Variants in CBFA2T2 observed in about 807,000 individuals in gnomAD.
CBFA2T2 encodes the protein CBFA2/RUNX1 partner transcriptional co-repressor 2.
In CBFA2T2, 11 loss-of-function variants were observed where a neutral mutation model predicts 62.2. The ratio of observed to expected loss-of-function variants is 0.18; its 90% CI spans 0.11 to 0.29. CBFA2T2 has a LOEUF of 0.29. CBFA2T2 is among the 10% of genes least tolerant of loss of function. CBFA2T2 has a pLI of 1.00. For missense variants in CBFA2T2, 592 were observed against 774.1 expected (o/e 0.76, Z 2.79); for synonymous variants, 295 against 287.5 (o/e 1.03, Z -0.27).
intron 1 of CBFA2T2, among the ~76,000 whole-genome samples, chr20:33,533,650 TG>T (rs2012121164): frequency 6.6e-6 from 1 of 152,128 alleles, no homozygotes; most frequent in African/African-American, 2.4e-5. Flanking sequence ...GACATATGCT[TG>T]CTTTTGTCTT....
rs200627080 is a variant in CBFA2T2, at chr20:33,596,934, T to TC, written c.35-10022_35-10021insC. Reference sequence around the variant, plus strand: ...CTTGACCTCTGTTTTTTTTTTTTTTTTTTCTTTCTTTTTTTCAGTCTCATC... The same window carrying TC: ...CTTGACCTCTGTTTTTTTTTTTTTTTCTTTCTTTCTTTTTTTCAGTCTCATC... On this transcript the variant is annotated intron_variant, in intron 1 of 10. Transcript: ENST00000342704. 6.2e-3 allele frequency among the ~76,000 whole-genome samples: 941 copies of TC among 151,258 alleles called. 9 individuals carry two copies. The highest frequency in any genetic ancestry group is 0.022 in the African/African-American group (904 of 41,110).
At chr20:33,642,280 C>T (rs1201040418) in intron 10 of CBFA2T2, among the ~76,000 whole-genome samples, 4 of 152,004 alleles carry the variant, frequency 2.6e-5, no homozygotes, top group Non-Finnish European at 4.4e-5. Flanking sequence ...GCCACCACGC[C>T]CAGCTTCTCC....
At chr20:33,636,225 C>T (rs1424170118) in intron 8 of CBFA2T2, among the ~76,000 whole-genome samples, 1 of 143,718 alleles carries the variant, frequency 7.0e-6, no homozygotes, top group Non-Finnish European at 1.5e-5. Flanking sequence ...CACCACTGCA[C>T]TCCAGCCTGG....
Position 33,648,941 on chromosome 20 carries a change from G to A in CBFA2T2, c.*4295G>A, listed in dbSNP as rs932970377. 1 of 152,078 alleles carries A rather than the reference G, an allele frequency of 6.6e-6. No individual in the cohort carries two copies. The highest frequency in any genetic ancestry group is 1.5e-5 in the Non-Finnish European group (1 of 68,022). 9.4% of individuals were successfully genotyped at this position (152,078 alleles called of 1,614,324 possible). ...AGACATCATTCTGGGTAGTTCTAGA[G>A]GATATCGCAACAAGTGCGTTTGAAG... is the stretch of plus-strand genomic sequence containing the variant. On this transcript the variant is annotated 3_prime_UTR_variant, in exon 11 of 11. Coordinates refer to ENST00000342704, the MANE Select transcript of CBFA2T2 (RefSeq NM_001032999.3).
intron 1 of CBFA2T2, among the ~76,000 whole-genome samples, chr20:33,495,134 G>A (rs1449461650): frequency 1.3e-5 from 2 of 151,818 alleles, no homozygotes; most frequent in East Asian, 1.9e-4. Flanking sequence ...ATGGTGGCTC[G>A]CGCCTGTAAT....
At chr20:33,501,630 C>CTTTT (rs869281966) in intron 1 of CBFA2T2, among the ~76,000 whole-genome samples, 9,111 of 63,210 alleles carry the variant, frequency 0.14, 3,403 homozygotes, top group East Asian at 0.17. Context: ...CTTAGCCTTC[C>CTTTT]TTTTTTTTTT....
At chr20:33,569,054 A>G (rs1263461713) in intron 1 of CBFA2T2, among the ~76,000 whole-genome samples, 1 of 152,228 alleles carries the variant, frequency 6.6e-6, no homozygotes, top group Admixed American at 6.5e-5. Context: ...GTTTCTGAGT[A>G]GTAAAGCTTT....
intron 1 of CBFA2T2, among the ~76,000 whole-genome samples, chr20:33,582,479 A>C (rs1439650656): frequency 6.8e-6 from 1 of 147,626 alleles, no homozygotes; most frequent in Admixed American, 6.9e-5. Context: ...CAAGAGCGAA[A>C]CTCTATCTCA....
intron 1 of CBFA2T2, among the ~76,000 whole-genome samples, chr20:33,555,608 A>C (rs752909855): frequency 6.6e-5 from 10 of 152,184 alleles, no homozygotes; most frequent in Non-Finnish European, 1.0e-4. Context: ...TTATCCCTAA[A>C]TACTTAAATG....
intron 1 of CBFA2T2, among the ~76,000 whole-genome samples, chr20:33,553,495 G>C (rs990545209): frequency 1.3e-5 from 2 of 152,214 alleles, no homozygotes; most frequent in East Asian, 3.9e-4. Context: ...GCCTCCCAAA[G>C]TGCTGGGATT....
chr20:33,545,007 GAATA>G (rs2012507946), intron 1 of CBFA2T2, among the ~76,000 whole-genome samples: 2 of 144,562 alleles, frequency 1.4e-5, no homozygotes, highest in South Asian at 2.4e-4. Context: ...GAATAGAATA[GAATA>G]GAACAGAACA....
intron 1 of CBFA2T2, among the ~76,000 whole-genome samples, chr20:33,558,991 A>G (rs1465949870): frequency 1.3e-5 from 2 of 152,164 alleles, no homozygotes; most frequent in Non-Finnish European, 2.9e-5. Flanking sequence ...AACTAGATGT[A>G]CAGTTCATAT....
At chr20:33,545,466 T>TTTCTTTCTTTC (rs2012533079) in intron 1 of CBFA2T2, among the ~76,000 whole-genome samples, 2 of 151,902 alleles carry the variant, frequency 1.3e-5, no homozygotes, top group Admixed American at 6.6e-5. Flanking sequence ...TCTTTCTTTC[T>TTTCTTTCTTTC]TTCTTTCGTT....
At chr20:33,642,451 T>C (rs1189388033) in intron 10 of CBFA2T2, among the ~76,000 whole-genome samples, 1 of 151,682 alleles carries the variant, frequency 6.6e-6, no homozygotes, top group Admixed American at 6.6e-5. Context: ...AAAAAAAAAT[T>C]TAAAAATTAG....
chr20:33,576,436 G>T (rs1367318217), intron 1 of CBFA2T2, among the ~76,000 whole-genome samples: 1 of 152,158 alleles, frequency 6.6e-6, no homozygotes, highest in Non-Finnish European at 1.5e-5. Context: ...CCTTATATTT[G>T]CATGGTGCTT....
chr20:33,625,153 C>A, intron 6 of CBFA2T2, 136 bp downstream of exon 6: 2 of 834,704 alleles, frequency 2.4e-6, no homozygotes, highest in Non-Finnish European at 3.7e-6. Context: ...CTATTAGAAT[C>A]ATAGTTGATC....
At chr20:33,523,873 G>C (rs1347238185) in intron 1 of CBFA2T2, among the ~76,000 whole-genome samples, 1 of 152,012 alleles carries the variant, frequency 6.6e-6, no homozygotes, top group Non-Finnish European at 1.5e-5. Flanking sequence ...TAGCAGAGAC[G>C]GGGTTTCTCC....
chr20:33,637,689 T>C (rs1006780940), intron 9 of CBFA2T2, among the ~76,000 whole-genome samples: 25 of 151,412 alleles, frequency 1.7e-4, no homozygotes, highest in Admixed American at 9.9e-4. Flanking sequence ...TTTTTTGAGA[T>C]GGAGTTTCGC....
intron 1 of CBFA2T2, among the ~76,000 whole-genome samples, chr20:33,543,549 G>A (rs966397274): frequency 6.6e-6 from 1 of 152,162 alleles, no homozygotes; most frequent in African/African-American, 2.4e-5. Context: ...AACCTGGAAA[G>A]CCTCCATGGA....
Sources: allele counts gnomAD v4.1 joint callset (sites outside exome capture counted in the v4.1 genomes callset), GRCh38; gene constraint gnomAD v4.1.1; transcripts MANE v1.5; gene names NCBI Gene and HGNC (gene_info 2026-07-23, HGNC 2026-07-21).